WASF1: variants seen among roughly 807,000 people sequenced by gnomAD.
WASF1 encodes the protein actin-binding protein WASF1.
A neutral mutation model predicts 50.5 loss-of-function variants in WASF1; 7 were observed. The ratio of observed to expected loss-of-function variants is 0.14; its 90% CI spans 0.08 to 0.26. The LOEUF (loss-of-function observed/expected upper bound fraction) is 0.26. Among genes scored for constraint, WASF1 ranks in the 10% least tolerant of loss-of-function variants. The pLI, the probability that WASF1 is intolerant of heterozygous loss-of-function variation, is 1.00. For synonymous variants in WASF1, 205 were observed against 244.0 expected (o/e 0.84, Z 1.49); for missense variants, 470 against 694.7 (o/e 0.68, Z 3.64).
Position 110,124,235 on chromosome 6 carries a change from C to CCTCTCTCT in WASF1, c.133+3226_133+3233dup, listed in dbSNP as rs10684587. ...TCTCTCTCCTCTCTCTCCTCTCTCT[C>CCTCTCTCT]CTCTCTCTCTCTCTCTCTCTCTCTC... On this transcript the variant is annotated intron_variant, in intron 4 of 10. Coordinates refer to ENST00000392589, the MANE Select transcript of WASF1 (RefSeq NM_003931.3). Among the ~76,000 whole-genome samples the CCTCTCTCT allele has an allele frequency of 6.5e-3, 71 of 10,982 alleles. 4 individuals are homozygous for CCTCTCTCT. Among genetic ancestry groups the CCTCTCTCT allele is most frequent in the South Asian group, 0.016 (2 of 128 alleles). The allele number at this position is 10,982 out of a possible 152,430, so 7.2% of individuals were successfully genotyped here.
At chr6:110,138,855 A>G (rs1243265586) in intron 3 of WASF1, among the ~76,000 whole-genome samples, 2 of 152,156 alleles carry the variant, frequency 1.3e-5, no homozygotes, top group Non-Finnish European at 2.9e-5. Flanking sequence ...CAGAACTGAG[A>G]GCCCAGCCCC....
At chr6:110,106,881 C>T (rs1773347126) in intron 7 of WASF1, among the ~76,000 whole-genome samples, 196 bp downstream of exon 7, 1 of 152,168 alleles carries the variant, frequency 6.6e-6, no homozygotes, top group Non-Finnish European at 1.5e-5. Flanking sequence ...TTATTATGCC[C>T]TACTCTAATA....
chr6:110,113,494 A>G, intron 4 of WASF1, 34 bp from the exon 5 acceptor site: 3 of 1,550,528 alleles, frequency 1.9e-6, no homozygotes, highest in Non-Finnish European at 2.6e-6. Flanking sequence ...CATAAAATTT[A>G]ACATCCAGAG....
chr6:110,132,681 T>A (rs2885293), intron 3 of WASF1, among the ~76,000 whole-genome samples: 11,057 of 151,878 alleles, frequency 0.073, 551 homozygotes, highest in African/African-American at 0.14. Context: ...TTTATCCCTC[T>A]CCGTCCTCTC....
chr6:110,150,733 G>A (rs1438856135), intron 3 of WASF1, among the ~76,000 whole-genome samples: 4 of 152,188 alleles, frequency 2.6e-5, no homozygotes, highest in African/African-American at 9.6e-5. Context: ...GAACAAATAA[G>A]TTCCTTAAAA....
chr6:110,113,970 A>G (rs4299857), intron 4 of WASF1, among the ~76,000 whole-genome samples: 35,319 of 152,120 alleles, frequency 0.23, 6,233 homozygotes, highest in African/African-American at 0.5. Context: ...ATGGAAAGAT[A>G]TATTAGGTTG....
At chr6:110,103,031 T>C (rs1308245443) in intron 9 of WASF1, among the ~76,000 whole-genome samples, 2 of 152,236 alleles carry the variant, frequency 1.3e-5, no homozygotes, top group African/African-American at 4.8e-5. Flanking sequence ...GCACATGATA[T>C]GCTTGATAAC....
chr6:110,142,980 C>T (rs1450512903), intron 3 of WASF1, among the ~76,000 whole-genome samples: 6 of 115,748 alleles, frequency 5.2e-5, no homozygotes, highest in East Asian at 2.8e-4. Flanking sequence ...AAAACTAAAG[C>T]AATTCCCAAG....
At chr6:110,111,272 A>G (rs1773542765) in intron 5 of WASF1, among the ~76,000 whole-genome samples, 1 of 152,214 alleles carries the variant, frequency 6.6e-6, no homozygotes, top group South Asian at 2.1e-4. Flanking sequence ...AAGCATGACC[A>G]TAAAATATTT....
At chr6:110,162,197 T>C (rs1476974049) in intron 2 of WASF1, among the ~76,000 whole-genome samples, 1 of 151,446 alleles carries the variant, frequency 6.6e-6, no homozygotes. Context: ...GGACAGGTCC[T>C]AGAATATAGA....
chr6:110,124,785 C>T lies in WASF1; in HGVS notation c.133+2684G>A, dbSNP rs554692872. On this transcript the variant is annotated intron_variant, in intron 4 of 10. Coordinates refer to ENST00000392589, the MANE Select transcript of WASF1 (RefSeq NM_003931.3). Reference sequence around the variant, plus strand: ...ATTAGCCAGGCATGATGGCACTCGCCTGTAATCCCAGCGGCTTTGGTGGCT... The same window carrying T: ...ATTAGCCAGGCATGATGGCACTCGCTTGTAATCCCAGCGGCTTTGGTGGCT... Among the ~76,000 whole-genome samples the T allele has an allele frequency of 2.6e-5, 4 of 152,290 alleles. No homozygotes were observed. In the South Asian group the frequency reaches 8.3e-4, roughly 32 times the overall value.
At chr6:110,109,800 T>C (rs1006796133) in intron 5 of WASF1, among the ~76,000 whole-genome samples, 1 of 151,924 alleles carries the variant, frequency 6.6e-6, no homozygotes, top group Non-Finnish European at 1.5e-5. Flanking sequence ...GACCTCATGA[T>C]CTGCCCGCCT....
intron 10 of WASF1, among the ~76,000 whole-genome samples, chr6:110,101,089 G>A (rs1008006902): frequency 1.3e-5 from 2 of 152,118 alleles, no homozygotes; most frequent in Admixed American, 1.3e-4. Flanking sequence ...TATGCTCAGT[G>A]CCTGGCCTAT....
intron 3 of WASF1, among the ~76,000 whole-genome samples, chr6:110,140,531 A>G (rs1775179382): frequency 1.3e-5 from 2 of 152,116 alleles, no homozygotes; most frequent in African/African-American, 4.8e-5. Flanking sequence ...GTCTTGTGGG[A>G]CTGAACCCTC....
chr6:110,102,143 T>C lies in WASF1; in HGVS notation c.967A>G (p.Thr323Ala), dbSNP rs1583916448. The change falls in exon 10 of 11, where the codon ACT becomes GCT. Residue 323 changes from threonine (T) to alanine (A), a missense_variant. This residue lies in a region of WASF1 where 294 missense variants were observed against 343.5 expected (regional missense o/e 0.86). Transcript: ENST00000392589. The part of the protein sequence containing the change: ...TGRTPVFVSP[T>A]PPPPPPPLPS... ...AGAGGTGGTGGAGGAGGTGGGGGAGTGGGGCTCACAAACACAGGTGTTCTG... is the reference window on the plus strand; with the variant it reads ...AGAGGTGGTGGAGGAGGTGGGGGAGCGGGGCTCACAAACACAGGTGTTCTG... The C allele has an allele frequency of 6.8e-7, 1 of 1,476,708 alleles. No homozygotes were observed. The highest frequency in any genetic ancestry group is 1.5e-5 in the South Asian group (1 of 66,206). The allele number at this position is 1,476,708 out of a possible 1,614,324, so 91.5% of individuals were successfully genotyped here. A position where few individuals can be genotyped will look rare whatever the true frequency, so the allele number is the denominator to read the frequency against.
Position 110,113,313 on chromosome 6 carries a change from T to C in WASF1, c.268+13A>G. On this transcript the variant is annotated intron_variant, in intron 5 of 10. Transcript: ENST00000392589. ...TATATACGTAGAAGAAAATACAATA[T>C]TAATAAGCTTACATTCTTCTTCCTT... 6.5e-7 allele frequency: 1 copy of C among 1,532,984 alleles called. No homozygotes were observed. Among genetic ancestry groups the C allele is most frequent in the Non-Finnish European group, 8.7e-7 (1 of 1,142,902 alleles). 95.0% of individuals were successfully genotyped at this position (1,532,984 alleles called of 1,614,324 possible).
At chr6:110,145,291 A>G (rs1775502097) in intron 3 of WASF1, among the ~76,000 whole-genome samples, 1 of 152,146 alleles carries the variant, frequency 6.6e-6, no homozygotes, top group South Asian at 2.1e-4. Context: ...AATGCTTGTG[A>G]TTTTTGCACA....
In WASF1 at chr6:110,101,939, G is replaced by T. The variant is rs1485855359; in HGVS notation, c.1171C>A (p.Pro391Thr). The change falls in exon 10 of 11, where the codon CCT becomes ACT. Residue 391 changes from proline to threonine, a missense_variant. Coordinates refer to ENST00000392589, the MANE Select transcript of WASF1 (RefSeq NM_003931.3). Reference sequence around the variant, plus strand: ...GGTGGAGAGGGCTGTACTAGAGGAGGTGCAATTGGAGGAGGAGCTGGGTGA... The same window carrying T: ...GGTGGAGAGGGCTGTACTAGAGGAGTTGCAATTGGAGGAGGAGCTGGGTGA... ...VLHPAPPPIA[P>T]PLVQPSPPVA... The T allele has an allele frequency of 6.2e-7, 1 of 1,608,776 alleles. No individual in the cohort carries two copies. The highest frequency in any genetic ancestry group is 8.5e-7 in the Non-Finnish European group (1 of 1,177,516).
chr6:110,134,162 C>T (rs1774833849), intron 3 of WASF1, among the ~76,000 whole-genome samples: 1 of 152,028 alleles, frequency 6.6e-6, no homozygotes, highest in South Asian at 2.1e-4. Context: ...AGGTGATCCA[C>T]CCACCTCAGC....
Sources: allele counts gnomAD v4.1 joint callset (sites outside exome capture counted in the v4.1 genomes callset), GRCh38; gene constraint gnomAD v4.1.1; regional missense constraint gnomAD v4.1.1; transcripts MANE v1.5; gene names NCBI Gene and HGNC (gene_info 2026-07-23, HGNC 2026-07-21).